Variants in MGLL observed in about 807,000 individuals in gnomAD.
The protein encoded by MGLL is monoglyceride lipase.
MGLL carries 7 observed loss-of-function variants against 29.1 expected under a neutral mutation model. That is an observed-to-expected ratio of 0.24 (90% CI 0.14 to 0.45). The LOEUF (loss-of-function observed/expected upper bound fraction) is 0.45, where lower values mean the gene tolerates loss of function less well. Ranked by LOEUF, MGLL falls within the 20% of genes least tolerant of loss-of-function variation. The pLI, the probability that MGLL is intolerant of heterozygous loss-of-function variation, is 0.99. For missense variants in MGLL, 356 were observed against 413.6 expected (o/e 0.86, Z 1.21); for synonymous variants, 148 against 168.3 (o/e 0.88, Z 0.93).
In MGLL at chr3:127,694,941, C is replaced by T. The variant is rs767638555; in HGVS notation, c.816+34G>A. On this transcript the variant is annotated intron_variant, in intron 7 of 7. Transcript: ENST00000265052. ...TGCTGCCTTCCTGTCCCCCCTCCAC[C>T]TTGGGGGGAAGTGGGCAAGTGGCAG... 5.0e-6 allele frequency: 8 copies of T among 1,601,516 alleles called. No individual in the cohort carries two copies. In the African/African-American group the frequency reaches 1.1e-4, roughly 21 times the overall value.
At chr3:127,783,850 G>C (rs555388476) in intron 2 of MGLL, 2 of 152,358 alleles carry the variant, frequency 1.3e-5, no homozygotes, top group East Asian at 3.9e-4. Flanking sequence ...TGAGGAGCAC[G>C]GCTGGAACTG....
chr3:127,724,049 C>G (rs12485988), intron 3 of MGLL, among the ~76,000 whole-genome samples: 2 of 151,968 alleles, frequency 1.3e-5, no homozygotes, highest in African/African-American at 4.8e-5. Context: ...GCAAGGAGAG[C>G]CTGCAGGAGA....
Position 127,689,157 on chromosome 3 carries a change from A to G in MGLL, c.*3041T>C. 6.6e-6 allele frequency: 1 copy of G among 152,282 alleles called. No individual in the cohort carries two copies. The highest frequency in any genetic ancestry group is 2.1e-4 in the South Asian group (1 of 4,836). The allele number at this position is 152,282 out of a possible 1,614,324, so 9.4% of individuals were successfully genotyped here. A position where few individuals can be genotyped will look rare whatever the true frequency, so the allele number is the denominator to read the frequency against. ...TACATATGTGCCCCGCAGACAGTATACACGCAGGGATGTGACTGAGCCACA... is the reference window on the plus strand; with the variant it reads ...TACATATGTGCCCCGCAGACAGTATGCACGCAGGGATGTGACTGAGCCACA... On this transcript the variant is annotated 3_prime_UTR_variant, in exon 8 of 8. Coordinates refer to ENST00000265052, the MANE Select transcript of MGLL (RefSeq NM_007283.7).
chr3:127,710,703 T>C (rs2075693938), intron 5 of MGLL, 38 bp from the exon 6 acceptor site: 1 of 1,490,206 alleles, frequency 6.7e-7, no homozygotes, highest in African/African-American at 1.4e-5. Context: ...TGAGCACAAG[T>C]GGCATCCACA....
chr3:127,706,737 A>G (rs2075610299), intron 6 of MGLL, among the ~76,000 whole-genome samples: 1 of 152,176 alleles, frequency 6.6e-6, no homozygotes. Context: ...AACGATAGAG[A>G]GCCACAGAAT....
chr3:127,734,116 C>G (rs2076201691), intron 3 of MGLL, among the ~76,000 whole-genome samples: 2 of 152,240 alleles, frequency 1.3e-5, no homozygotes, highest in African/African-American at 2.4e-5. Context: ...GGAGCCCACC[C>G]CCTTAACCCT....
rs143460123 is a variant in MGLL, at chr3:127,782,801, A to C, written c.156-906T>G. On this transcript the variant is annotated intron_variant, in intron 2 of 7. Transcript: ENST00000265052. ...CCACCTTCCTGAGCATTTACTATGC[A>C]CCCGTTCCTCTGCAACTCCACATGC... is the stretch of plus-strand genomic sequence containing the variant. Among the ~76,000 whole-genome samples the C allele has an allele frequency of 1.8e-3, 269 of 152,276 alleles. 3 individuals are homozygous for C. The highest frequency in any genetic ancestry group is 6.1e-3 in the African/African-American group (255 of 41,556).
intron 3 of MGLL, among the ~76,000 whole-genome samples, chr3:127,745,188 A>C (rs60563997): frequency 0.078 from 11,936 of 152,300 alleles, 615 homozygotes; most frequent in South Asian, 0.17. Flanking sequence ...GGATTGCTGA[A>C]AGGGTTAAAT....
chr3:127,701,890 C>T (rs568590463), intron 6 of MGLL, among the ~76,000 whole-genome samples: 1 of 152,208 alleles, frequency 6.6e-6, no homozygotes, highest in Non-Finnish European at 1.5e-5. Flanking sequence ...TAAGCATTTC[C>T]TCCTGTGGAC....
intron 3 of MGLL, among the ~76,000 whole-genome samples, chr3:127,733,350 C>T (rs1389557622): frequency 6.6e-6 from 1 of 152,230 alleles, no homozygotes; most frequent in African/African-American, 2.4e-5. Flanking sequence ...CACCCACCAG[C>T]CCTCAGGCTG....
At chr3:127,759,986 T>C (rs1037687022) in intron 3 of MGLL, among the ~76,000 whole-genome samples, 2 of 152,234 alleles carry the variant, frequency 1.3e-5, no homozygotes, top group Non-Finnish European at 2.9e-5. Context: ...CCTCTCACAT[T>C]GACTGTCTTT....
intron 6 of MGLL, among the ~76,000 whole-genome samples, chr3:127,703,423 G>T (rs1170980623): frequency 6.6e-6 from 1 of 152,212 alleles, no homozygotes; most frequent in Non-Finnish European, 1.5e-5. Flanking sequence ...GGAAACTGGA[G>T]CATGGATTAG....
At chr3:127,769,212 G>A (rs1397753386) in intron 3 of MGLL, among the ~76,000 whole-genome samples, 4 of 152,092 alleles carry the variant, frequency 2.6e-5, no homozygotes, top group South Asian at 2.1e-4. Context: ...TTAGCCAGGC[G>A]TGGTGGTGTG....
chr3:127,705,956 C>T (rs1197841681), intron 6 of MGLL, among the ~76,000 whole-genome samples: 7 of 152,042 alleles, frequency 4.6e-5, no homozygotes, highest in Non-Finnish European at 7.4e-5. Context: ...CTAGTGTTGG[C>T]GAGGATGTAG....
intron 6 of MGLL, among the ~76,000 whole-genome samples, chr3:127,709,246 C>G (rs1371687901): frequency 6.6e-6 from 1 of 152,186 alleles, no homozygotes; most frequent in Non-Finnish European, 1.5e-5. Flanking sequence ...TGGGTCCAAC[C>G]TGGCCCCAAG....
intron 5 of MGLL, chr3:127,715,745 A>T: frequency 2.2e-6 from 1 of 456,676 alleles, no homozygotes; most frequent in Non-Finnish European, 4.4e-6. Context: ...CCGCACCCAG[A>T]TGGATCACAT....
At chr3:127,720,012 C>G (rs1022240423) in intron 5 of MGLL, among the ~76,000 whole-genome samples, 2 of 152,116 alleles carry the variant, frequency 1.3e-5, no homozygotes, top group East Asian at 1.9e-4. Context: ...GAGCCAGGAG[C>G]AAGTCTGTGG....
chr3:127,726,203 A>AC (rs1377011886), intron 3 of MGLL, among the ~76,000 whole-genome samples: 9 of 125,420 alleles, frequency 7.2e-5, no homozygotes, highest in East Asian at 4.3e-4. Context: ...AGAAAGAAAG[A>AC]AAGACAGAAG....
chr3:127,820,363 C>T (rs1209559076), intron 2 of MGLL, among the ~76,000 whole-genome samples: 3 of 152,184 alleles, frequency 2.0e-5, no homozygotes, highest in African/African-American at 7.2e-5. Flanking sequence ...TTGACCGTTT[C>T]TAACCCACTC....
Sources: gnomAD v4.1 joint callset for allele counts (sites outside exome capture counted in the v4.1 genomes callset) on GRCh38, gnomAD v4.1.1 for gene constraint, MANE v1.5 for transcripts, NCBI Gene and HGNC (gene_info 2026-07-23, HGNC 2026-07-21) for gene names.